PARD3B: variants seen among roughly 807,000 people sequenced by gnomAD.
PARD3B encodes the protein par-3 family cell polarity regulator beta.
Under a neutral mutation model 130.2 loss-of-function variants are expected in PARD3B, and 103 were observed. The ratio of observed to expected loss-of-function variants is 0.79; its 90% CI spans 0.67 to 0.93. The LOEUF is 0.93. Ranked by LOEUF, PARD3B falls within the 40% of genes least tolerant of loss-of-function variation. The pLI, the probability that PARD3B is intolerant of heterozygous loss-of-function variation, is 0.00. For missense variants in PARD3B, 1,609 were observed against 1,499.2 expected (o/e 1.07, Z -1.21); for synonymous variants, 583 against 553.2 (o/e 1.05, Z -0.76).
chr2:205,316,915 C>T lies in PARD3B; in HGVS notation c.2630+15214C>T, dbSNP rs138308150. Among the ~76,000 whole-genome samples the T allele has an allele frequency of 4.3e-3, 655 of 152,176 alleles. 11 individuals are homozygous for T. Among genetic ancestry groups the T allele is most frequent in the Non-Finnish European group, 5.1e-3 (347 of 67,980 alleles). On this transcript the variant is annotated intron_variant, in intron 18 of 22. Coordinates refer to ENST00000406610, the MANE Select transcript of PARD3B (RefSeq NM_001302769.2). ...CTAATCTTTTATTTTTTTCTAACATCGTCTTTTATTCATCCAACAAATATT... is the reference window on the plus strand; with the variant it reads ...CTAATCTTTTATTTTTTTCTAACATTGTCTTTTATTCATCCAACAAATATT...
At chr2:205,236,709 A>C (rs1161563859) in intron 15 of PARD3B, among the ~76,000 whole-genome samples, 3 of 152,218 alleles carry the variant, frequency 2.0e-5, no homozygotes, top group Non-Finnish European at 4.4e-5. Context: ...TAACATTTGA[A>C]ATTGATCAAT....
rs998000485 is a variant in PARD3B at position 205,460,945 on chromosome 2, T to A, written c.3044+20273T>A. Among the ~76,000 whole-genome samples the A allele has an allele frequency of 2.6e-5, 4 of 152,176 alleles. No homozygotes were observed. Among genetic ancestry groups the A allele is most frequent in the Admixed American group, 2.6e-4 (4 of 15,266 alleles). ...CACTGATGATGTATTCTGTACCAGC[T>A]TAGCCTCCAGTCCAGGGCTTAGGAA... is the stretch of plus-strand genomic sequence containing the variant. On this transcript the variant is annotated intron_variant, in intron 20 of 22. Transcript: ENST00000406610. This position sits in a 1 kb window ranked among gnomAD's most constrained non-coding sequence, Gnocchi z 4.9.
chr2:205,498,437 G>C (rs1055753670), intron 20 of PARD3B, among the ~76,000 whole-genome samples: 18 of 152,086 alleles, frequency 1.2e-4, no homozygotes. Flanking sequence ...AGGAGGCAGA[G>C]GGTGCAGTGA....
intron 19 of PARD3B, among the ~76,000 whole-genome samples, chr2:205,418,570 T>C (rs1336219584): frequency 6.6e-6 from 1 of 152,192 alleles, no homozygotes; most frequent in Non-Finnish European, 1.5e-5. Flanking sequence ...GGACACACCC[T>C]CTTTATCACC....
At chr2:204,717,772 C>T (rs775291102) in intron 2 of PARD3B, among the ~76,000 whole-genome samples, 3 of 152,024 alleles carry the variant, frequency 2.0e-5, no homozygotes, top group Non-Finnish European at 2.9e-5. Flanking sequence ...CAGGATGTGA[C>T]GTGGAAGAGG....
intron 2 of PARD3B, among the ~76,000 whole-genome samples, chr2:204,948,218 C>G (rs537547357): frequency 6.6e-6 from 1 of 152,274 alleles, no homozygotes; most frequent in African/African-American, 2.4e-5. Flanking sequence ...TTGGCTAAAG[C>G]CTTCCATGGT....
intron 18 of PARD3B, among the ~76,000 whole-genome samples, chr2:205,400,708 A>G (rs951932027): frequency 6.6e-6 from 1 of 152,106 alleles, no homozygotes; most frequent in African/African-American, 2.4e-5. Flanking sequence ...AAGAATCACA[A>G]AACAAGCTGA....
chr2:205,013,190 C>T (rs1472356168), intron 3 of PARD3B, among the ~76,000 whole-genome samples: 1 of 152,152 alleles, frequency 6.6e-6, no homozygotes, highest in African/African-American at 2.4e-5. Flanking sequence ...GACTTCCCCA[C>T]GCAGGCACAG....
chr2:205,091,122 G>GC lies in PARD3B; in HGVS notation c.505-13304_505-13303insC, dbSNP rs1318876917. Among the ~76,000 whole-genome samples the GC allele has an allele frequency of 6.6e-6, 1 of 152,178 alleles. No individual in the cohort carries two copies. Among genetic ancestry groups the GC allele is most frequent in the Non-Finnish European group, 1.5e-5 (1 of 68,036 alleles). On this transcript the variant is annotated intron_variant, in intron 4 of 22. Transcript: ENST00000406610. This position sits in a 1 kb window ranked among gnomAD's most constrained non-coding sequence, Gnocchi z 4.2. ...GCTGCTTCTAGTTATTCTAGTAATT[G>GC]TCTATGCAGGGTTAGCGGAAGAGAT...
intron 2 of PARD3B, among the ~76,000 whole-genome samples, chr2:204,826,079 T>C (rs903167968): frequency 1.3e-5 from 2 of 152,150 alleles, no homozygotes; most frequent in African/African-American, 4.8e-5. Flanking sequence ...ATAAGTCAAA[T>C]GAGAAATTTA....
chr2:204,696,253 T>C (rs1200263038), intron 2 of PARD3B, among the ~76,000 whole-genome samples: 1 of 151,964 alleles, frequency 6.6e-6, no homozygotes, highest in Admixed American at 6.6e-5. Context: ...ACCTGAGGTC[T>C]CATGATTTAA....
At chr2:205,522,086 A>G (rs1328523909) in intron 21 of PARD3B, among the ~76,000 whole-genome samples, 1 of 151,470 alleles carries the variant, frequency 6.6e-6, no homozygotes, top group African/African-American at 2.4e-5. Context: ...AGTGTATTTT[A>G]TCTTTACCAA....
At chr2:205,561,102 A>C (rs2053117048) in intron 22 of PARD3B, among the ~76,000 whole-genome samples, 1 of 152,208 alleles carries the variant, frequency 6.6e-6, no homozygotes, top group Non-Finnish European at 1.5e-5. Context: ...TGGTTATCCC[A>C]AAAGTATTTT....
At chr2:204,953,076 G>GGGGA (rs1251946670) in intron 2 of PARD3B, among the ~76,000 whole-genome samples, 2 of 127,894 alleles carry the variant, frequency 1.6e-5, no homozygotes, top group African/African-American at 5.8e-5. Flanking sequence ...AGAGAGAGAG[G>GGGGA]GAGAGAGAGA....
chr2:204,545,722 A>G lies in PARD3B; in HGVS notation c.-278A>G. The G allele has an allele frequency of 5.6e-6, 1 of 177,296 alleles. No individual in the cohort carries two copies. The highest frequency in any genetic ancestry group is 8.8e-6 in the Non-Finnish European group (1 of 113,682). 11.0% of individuals were successfully genotyped at this position (177,296 alleles called of 1,614,324 possible). A position where few individuals can be genotyped will look rare whatever the true frequency, so the allele number is the denominator to read the frequency against. Reference sequence around the variant, plus strand: ...GGGCAGGAGTAGGAGCGGGAGGAGGAGGAGGAGGAGCCGGTGCCGCGGAGC... The same window carrying G: ...GGGCAGGAGTAGGAGCGGGAGGAGGGGGAGGAGGAGCCGGTGCCGCGGAGC... On this transcript the variant is annotated 5_prime_UTR_variant, in exon 1 of 23. Coordinates refer to ENST00000406610, the MANE Select transcript of PARD3B (RefSeq NM_001302769.2).
intron 3 of PARD3B, 53 bp from the exon 4 acceptor site, chr2:205,047,528 C>A: frequency 8.3e-7 from 1 of 1,201,366 alleles, no homozygotes; most frequent in Non-Finnish European, 1.2e-6. Context: ...GTGTCATGCA[C>A]TCTCTTCACC....
intron 21 of PARD3B, among the ~76,000 whole-genome samples, chr2:205,526,387 G>A (rs2051338197): frequency 6.6e-6 from 1 of 152,174 alleles, no homozygotes; most frequent in South Asian, 2.1e-4. Context: ...GTATTGCCAG[G>A]TAGAGTTTTA....
At chr2:205,483,909 A>C (rs2049338280) in intron 20 of PARD3B, among the ~76,000 whole-genome samples, 1 of 152,216 alleles carries the variant, frequency 6.6e-6, no homozygotes, top group Non-Finnish European at 1.5e-5. Flanking sequence ...CGAATAAAAC[A>C]TGTTACCTCC....
At chr2:205,061,241 G>T (rs375362243) in intron 4 of PARD3B, among the ~76,000 whole-genome samples, 1 of 152,124 alleles carries the variant, frequency 6.6e-6, no homozygotes, top group South Asian at 2.1e-4. Context: ...AAATGCTCAG[G>T]GTTACTAAAG....
Sources: allele counts gnomAD v4.1 joint callset (sites outside exome capture counted in the v4.1 genomes callset), GRCh38; gene constraint gnomAD v4.1.1; non-coding constraint Gnocchi (gnomAD v3.1); transcripts MANE v1.5; gene names NCBI Gene and HGNC (gene_info 2026-07-23, HGNC 2026-07-21).